CRB2: variants seen among roughly 807,000 people sequenced by gnomAD.
CRB2 encodes crumbs cell polarity complex component 2.
Under a neutral mutation model 110.9 loss-of-function variants are expected in CRB2, and 85 were observed. The ratio of observed to expected loss-of-function variants is 0.77; its 90% CI spans 0.64 to 0.92. The LOEUF (loss-of-function observed/expected upper bound fraction) is 0.92, where lower values mean the gene tolerates loss of function less well. Among genes scored for constraint, CRB2 ranks in the 40% least tolerant of loss-of-function variants. The probability of loss-of-function intolerance (pLI) is 0.00; values close to 1 mark genes in which losing one functional copy is unlikely to be tolerated. For synonymous variants in CRB2, 907 were observed against 831.0 expected (o/e 1.09, Z -1.57); for missense variants, 1,843 against 1,851.3 (o/e 1.00, Z 0.08).
rs752172045 is a variant in CRB2, at chr9:123,377,113, C to A, written c.*51C>A. On this transcript the variant is annotated 3_prime_UTR_variant, in exon 13 of 13. Transcript: ENST00000373631. ...CCTGGAGGTCCTGAATGGTTTCTACCTGGAGACCCAAGGAAGCTGCTTCCA... is the reference window on the plus strand; with the variant it reads ...CCTGGAGGTCCTGAATGGTTTCTACATGGAGACCCAAGGAAGCTGCTTCCA... The A allele has an allele frequency of 2.1e-6, 3 of 1,441,224 alleles. No homozygotes were observed. In the African/African-American group the frequency reaches 4.3e-5, roughly 20 times the overall value. The allele number at this position is 1,441,224 out of a possible 1,614,324, so 89.3% of individuals were successfully genotyped here.
At chr9:123,362,801 G>A in intron 1 of CRB2, 64 bp from the exon 2 acceptor site, 1 of 1,481,618 alleles carries the variant, frequency 6.7e-7, no homozygotes, top group Non-Finnish European at 9.1e-7. Context: ...GCCTGAGAGG[G>A]TGGGGAGGAG....
chr9:123,363,336 A>C, intron 2 of CRB2, 148 bp downstream of exon 2: 1 of 820,036 alleles, frequency 1.2e-6, no homozygotes, highest in Non-Finnish European at 1.9e-6. Context: ...ACTTGGTCTG[A>C]CTACAGAACT....
rs753676253 is a variant in CRB2 at position 123,362,939 on chromosome 9, G to A, written c.169G>A (p.Glu57Lys). The change falls in exon 2 of 13, where the codon GAG becomes AAG. Residue 57 changes from glutamate to lysine, a missense_variant. Glu to Lys is a moderately conservative substitution (Grantham distance 56). Coordinates refer to ENST00000373631, the MANE Select transcript of CRB2 (RefSeq NM_173689.7). ...CAPGTECQAT[E>K]SGGYTCGPME... ...TCCAGGGACCGAGTGCCAGGCTACC[G>A]AGAGTGGTGGCTATACCTGTGGGCC... 32 of 1,605,338 alleles carry A rather than the reference G, an allele frequency of 2.0e-5. No homozygotes were observed. The highest frequency in any genetic ancestry group is 4.5e-5 in the East Asian group (2 of 44,632).
At chr9:123,369,288 A>G (rs1215103821) in intron 6 of CRB2, among the ~76,000 whole-genome samples, 1 of 152,190 alleles carries the variant, frequency 6.6e-6, no homozygotes, top group Non-Finnish European at 1.5e-5. Flanking sequence ...TAGCTCCTCC[A>G]TGCCATCACT....
In CRB2 at chr9:123,370,905, G is replaced by A. The variant is rs1218960981; in HGVS notation, c.1852G>A (p.Gly618Arg). Reference sequence around the variant, plus strand: ...CCGGCCTCTGCCTTGTGTCCACGGAGGGTCCTGTGTGGATCTGTGGACTCA... The same window carrying A: ...CCGGCCTCTGCCTTGTGTCCACGGAAGGTCCTGTGTGGATCTGTGGACTCA... The part of the protein sequence containing the change: ...QCRPLPCVHG[G>R]SCVDLWTHFR... The change falls in exon 7 of 13, where the codon GGG (glycine) becomes AGG (arginine). Residue 618 changes from glycine (G) to arginine (R), a missense_variant. Gly to Arg is a moderately radical substitution (Grantham distance 125). Coordinates refer to ENST00000373631, the MANE Select transcript of CRB2 (RefSeq NM_173689.7). 1 of 1,613,242 alleles carries A rather than the reference G, an allele frequency of 6.2e-7. No individual in the cohort carries two copies. Among genetic ancestry groups the A allele is most frequent in the South Asian group, 1.1e-5 (1 of 91,066 alleles).
rs183095559 is a variant in CRB2 at position 123,360,215 on chromosome 9, A to G, written c.95-2650A>G. 3.0e-3 allele frequency among the ~76,000 whole-genome samples: 463 copies of G among 152,354 alleles called. 3 individuals carry two copies. Among genetic ancestry groups the G allele is most frequent in the African/African-American group, 8.8e-3 (365 of 41,590 alleles). ...ATAATAGATGCACAGGCCCAAGCAC[A>G]TAGTACACACTCAGTAAACAGCTGG... On this transcript the variant is annotated intron_variant, in intron 1 of 12. Transcript: ENST00000373631.
At chr9:123,367,439 C>T in intron 5 of CRB2, 82 bp downstream of exon 5, 2 of 987,028 alleles carry the variant, frequency 2.0e-6, no homozygotes, top group African/African-American at 2.3e-5. Context: ...ACCCCCCCCA[C>T]CCCCCCACCC....
intron 2 of CRB2, among the ~76,000 whole-genome samples, chr9:123,365,279 AAAAC>A (rs1166736820): frequency 1.3e-5 from 2 of 152,100 alleles, no homozygotes; most frequent in African/African-American, 4.8e-5. Flanking sequence ...ATAAAAAACA[AAAAC>A]AAACCCAAAA....
intron 2 of CRB2, among the ~76,000 whole-genome samples, chr9:123,364,676 C>T: frequency 6.6e-6 from 1 of 152,258 alleles, no homozygotes; most frequent in Non-Finnish European, 1.5e-5. Context: ...CCCCGCTTGA[C>T]CAAACCCACT....
At chr9:123,365,802 C>T (rs1431581178) in intron 2 of CRB2, 115 bp from the exon 3 acceptor site, 2 of 974,202 alleles carry the variant, frequency 2.1e-6, no homozygotes, top group Non-Finnish European at 2.9e-6. Flanking sequence ...CACCACCATC[C>T]GGCTCTGAAT....
intron 12 of CRB2, among the ~76,000 whole-genome samples, chr9:123,376,065 T>TCCCTACCCAGCCACCTC (rs2042098770): frequency 6.7e-6 from 1 of 149,864 alleles, no homozygotes. Context: ...GCCTCTGGCT[T>TCCCTACCCAGCCACCTC]CCCTACCCAG....
chr9:123,375,375 C>A (rs377411143), intron 12 of CRB2, 32 bp downstream of exon 12: 1 of 1,549,982 alleles, frequency 6.5e-7, no homozygotes, highest in East Asian at 2.3e-5. Context: ...GGGCCGTGGA[C>A]GTGGCCTGCT....
In CRB2 at chr9:123,373,499, GC is replaced by G; in HGVS notation, c.2970del (p.Ser991ValfsTer150). ...AATPVALRGLASDLGFLQGPG... is the reference protein window; with the variant it reads ...AATPVALRGLXSDLGFLQGPG... The stretch of plus-strand genomic sequence containing the variant: ...CACCCCGGTGGCGCTGCGCGGCCTG[GC>G]CAGTGACCTGGGCTTCCTGCAGGGC... On this transcript the variant is annotated frameshift_variant, in exon 10 of 13. Coordinates refer to ENST00000373631, the MANE Select transcript of CRB2 (RefSeq NM_173689.7). LOFTEE classifies it high-confidence loss of function. 1 of 1,461,866 alleles carries G rather than the reference GC, an allele frequency of 6.8e-7. No homozygotes were observed. The highest frequency in any genetic ancestry group is 9.0e-7 in the Non-Finnish European group (1 of 1,116,204). 90.6% of individuals were successfully genotyped at this position (1,461,866 alleles called of 1,614,324 possible).
intron 3 of CRB2, 29 bp from the exon 4 acceptor site, chr9:123,366,198 G>GCTCAGCTCCGCCGGTGCGCC (rs1158216267): frequency 7.2e-7 from 1 of 1,394,232 alleles, no homozygotes; most frequent in African/African-American, 1.5e-5. Context: ...GCAGGCGCGC[G>GCTCAGCTCCGCCGGTGCGCC]CTCAGCTCCG....
At chr9:123,359,796 A>C (rs570637557) in intron 1 of CRB2, among the ~76,000 whole-genome samples, 1 of 152,166 alleles carries the variant, frequency 6.6e-6, no homozygotes, top group African/African-American at 2.4e-5. Flanking sequence ...AAACAGGCCC[A>C]TTCTAAGTGC....
In CRB2 at chr9:123,373,938, G is replaced by C. The variant is rs1484166243; in HGVS notation, c.3389+18G>C. 4 of 1,549,962 alleles carry C rather than the reference G, an allele frequency of 2.6e-6. No individual in the cohort carries two copies. The highest frequency in any genetic ancestry group is 3.5e-6 in the Non-Finnish European group (4 of 1,147,006). ...CGCTGCAGGTGGGATGGCTGGGCAG[G>C]GGGGTGGGCTGCGAATGCCCCCTGG... On this transcript the variant is annotated intron_variant, in intron 10 of 12. Transcript: ENST00000373631.
chr9:123,375,922 G>A lies in CRB2; in HGVS notation c.3633+579G>A, dbSNP rs966696202. On this transcript the variant is annotated intron_variant, in intron 12 of 12. Transcript: ENST00000373631. ...CTGGGGCGGGGTGGGGGGAGTGGGTGCTGGCGAGGAGAGGCTTGGAAGGGA... is the reference window on the plus strand; with the variant it reads ...CTGGGGCGGGGTGGGGGGAGTGGGTACTGGCGAGGAGAGGCTTGGAAGGGA... Among the ~76,000 whole-genome samples the A allele has an allele frequency of 3.9e-5, 6 of 152,310 alleles. No homozygotes were observed. In the East Asian group the frequency reaches 1.2e-3, roughly 29 times the overall value.
intron 1 of CRB2, among the ~76,000 whole-genome samples, chr9:123,361,081 GC>G (rs1288380065): frequency 6.6e-6 from 1 of 151,646 alleles, no homozygotes; most frequent in Non-Finnish European, 1.5e-5. Context: ...TGCCTCCCCA[GC>G]GTGGTCCCAG....
rs1182601420 is a variant in CRB2, at chr9:123,366,011, G to A, written c.513G>A (p.Val171=). The A allele has an allele frequency of 6.9e-6, 11 of 1,594,712 alleles. No homozygotes were observed. The highest frequency in any genetic ancestry group is 8.5e-6 in the Non-Finnish European group (10 of 1,177,756). ...ACGGCGTGGGCTCCTTCCGCTGTGT[G>A]TGCGCGCCAGGCTACGGGGGCACCC... ...CLDGVGSFRC[V]CAPGYGGTRC... is the part of the protein sequence containing the mutation. Residue 171 remains valine, a synonymous_variant, in exon 3 of 13, where the codon GTG becomes GTA. Transcript: ENST00000373631.
Sources: gnomAD v4.1 joint callset for allele counts (sites outside exome capture counted in the v4.1 genomes callset) on GRCh38, gnomAD v4.1.1 for gene constraint, MANE v1.5 for transcripts, NCBI Gene and HGNC (gene_info 2026-07-23, HGNC 2026-07-21) for gene names.